The following ADAM2 variants were observed in gnomAD, a reference collection of about 807,000 sequenced individuals.
The protein encoded by ADAM2 is disintegrin and metalloproteinase domain-containing protein 2.
Under a neutral mutation model 99.3 loss-of-function variants are expected in ADAM2, and 101 were observed. The observed-to-expected ratio is 1.02, with a 90% CI of 0.87 to 1.20. The LOEUF (loss-of-function observed/expected upper bound fraction) is 1.20. Ranked by LOEUF, ADAM2 falls within the 50% of genes most tolerant of loss-of-function variation. The probability of loss-of-function intolerance (pLI) is 0.00; values close to 1 mark genes in which losing one functional copy is unlikely to be tolerated. For missense variants in ADAM2, 948 were observed against 878.7 expected, an observed-to-expected ratio of 1.08 and a Z score of -1.00; for synonymous variants, 323 against 287.6, an observed-to-expected ratio of 1.12 and a Z score of -1.25.
intron 16 of ADAM2, among the ~76,000 whole-genome samples, chr8:39,751,727 T>C (rs534303692): frequency 3.3e-4 from 50 of 152,312 alleles, no homozygotes; most frequent in African/African-American, 1.2e-3. Flanking sequence ...TGTTTTGAGA[T>C]AAGAATCATA....
intron 16 of ADAM2, among the ~76,000 whole-genome samples, chr8:39,751,769 T>C (rs931527965): frequency 6.6e-6 from 1 of 152,220 alleles, no homozygotes; most frequent in South Asian, 2.1e-4. Flanking sequence ...CTAGGCGGAA[T>C]AGGTTCCTAC....
intron 4 of ADAM2, 42 bp downstream of exon 4, chr8:39,824,777 A>G: frequency 1.0e-6 from 1 of 1,002,456 alleles, no homozygotes; most frequent in Non-Finnish European, 1.6e-6. Flanking sequence ...GTGATCATAG[A>G]CACTCACATG....
chr8:39,779,212 T>C (rs1803121088), intron 10 of ADAM2, among the ~76,000 whole-genome samples: 2 of 152,278 alleles, frequency 1.3e-5, no homozygotes, highest in South Asian at 2.1e-4. Flanking sequence ...TTCGCAGTTC[T>C]AGAAGTCCAA....
intron 19 of ADAM2, among the ~76,000 whole-genome samples, chr8:39,746,086 C>T (rs1380249547): frequency 3.3e-5 from 5 of 152,020 alleles, no homozygotes; most frequent in Admixed American, 3.3e-4. Context: ...AGTGCAGTGG[C>T]ACAATCTCGG....
intron 2 of ADAM2, among the ~76,000 whole-genome samples, chr8:39,835,450 C>T (rs924316438): frequency 1.3e-5 from 2 of 151,988 alleles, no homozygotes; most frequent in African/African-American, 2.4e-5. Flanking sequence ...TTTGGGAGGC[C>T]GAGGCAGGTG....
At chr8:39,787,540 CTCTA>C (rs1359668445) in intron 9 of ADAM2, among the ~76,000 whole-genome samples, 1 of 121,384 alleles carries the variant, frequency 8.2e-6, no homozygotes, top group South Asian at 2.7e-4. Flanking sequence ...AACTCTCTCT[CTCTA>C]TATATATATA....
intron 15 of ADAM2, 114 bp from the exon 16 acceptor site, chr8:39,756,025 T>G: frequency 3.6e-6 from 2 of 554,796 alleles, no homozygotes; most frequent in Non-Finnish European, 2.9e-6. Context: ...AGCTAATACA[T>G]GCAATTCGTT....
At chr8:39,772,299 T>C (rs1231493989) in intron 11 of ADAM2, among the ~76,000 whole-genome samples, 2 of 151,992 alleles carry the variant, frequency 1.3e-5, no homozygotes, top group Non-Finnish European at 2.9e-5. Flanking sequence ...TGTCTAAATT[T>C]CTCAGTTTTT....
intron 3 of ADAM2, among the ~76,000 whole-genome samples, chr8:39,828,648 T>C (rs1371955856): frequency 6.6e-6 from 1 of 151,846 alleles, no homozygotes; most frequent in Non-Finnish European, 1.5e-5. Flanking sequence ...TATAAAGTCA[T>C]AGTAATTAAA....
At chr8:39,832,285 T>C (rs2048552258) in intron 3 of ADAM2, among the ~76,000 whole-genome samples, 1 of 152,134 alleles carries the variant, frequency 6.6e-6, no homozygotes, top group South Asian at 2.1e-4. Flanking sequence ...TGAAAGTAAA[T>C]ATCGTTATCA....
intron 10 of ADAM2, among the ~76,000 whole-genome samples, chr8:39,781,558 T>C (rs1460959914): frequency 6.6e-6 from 1 of 152,234 alleles, no homozygotes; most frequent in African/African-American, 2.4e-5. Context: ...TGAGTGTAAC[T>C]GTACTTCTTT....
intron 16 of ADAM2, 129 bp from the exon 17 acceptor site, chr8:39,749,873 A>T: frequency 4.9e-6 from 3 of 611,714 alleles, no homozygotes; most frequent in Non-Finnish European, 8.6e-6. Context: ...AACAAGAATT[A>T]GTATACTAAC....
intron 4 of ADAM2, among the ~76,000 whole-genome samples, chr8:39,823,192 G>T (rs1364728588): frequency 2.0e-5 from 3 of 152,156 alleles, no homozygotes; most frequent in Non-Finnish European, 4.4e-5. Context: ...ATGATGAATG[G>T]CTTACACTTG....
Position 39,768,597 on chromosome 8 carries a change from C to A in ADAM2, c.1212+795G>T, listed in dbSNP as rs972373948. ...AATATTCAAAAACCACAAATGTACTCCCTAGGTTTTCTGGCTCCATAGTGA... is the reference window on the plus strand; with the variant it reads ...AATATTCAAAAACCACAAATGTACTACCTAGGTTTTCTGGCTCCATAGTGA... On this transcript the variant is annotated intron_variant, in intron 12 of 20. Coordinates refer to ENST00000265708, the MANE Select transcript of ADAM2 (RefSeq NM_001464.5). 3.3e-5 allele frequency among the ~76,000 whole-genome samples: 5 copies of A among 152,150 alleles called. No homozygotes were observed. The East Asian group carries it at 9.6e-4, about 29-fold the overall frequency.
chr8:39,762,870 C>G (rs1802423692), intron 14 of ADAM2, among the ~76,000 whole-genome samples: 1 of 152,208 alleles, frequency 6.6e-6, no homozygotes, highest in Non-Finnish European at 1.5e-5. Context: ...ATACCTATAT[C>G]TATCTATCTA....
chr8:39,743,799 C>A lies in ADAM2; in HGVS notation c.*296G>T, dbSNP rs1258883714. ...CATTACATTATGATATTTCCTTATA[C>A]CATGCCCCTACTGACAGAATTAGTG... On this transcript the variant is annotated 3_prime_UTR_variant, in exon 21 of 21. Transcript: ENST00000265708. 6.6e-6 allele frequency: 1 copy of A among 151,978 alleles called. No homozygotes were observed. 9.4% of individuals were successfully genotyped at this position (151,978 alleles called of 1,614,324 possible). A position where few individuals can be genotyped will look rare whatever the true frequency, so the allele number is the denominator to read the frequency against.
At position 39,809,403 on chromosome 8, in the gene ADAM2, T is replaced by C; in HGVS notation, c.570+7A>G. On this transcript the variant is annotated splice_region_variant and intron_variant, in intron 7 of 20. Transcript: ENST00000265708. Reference sequence around the variant, plus strand: ...TAAGGGACATAAATAAATCAGAATATACTTACCAATTGTTTTTCAACTATA... The same window carrying C: ...TAAGGGACATAAATAAATCAGAATACACTTACCAATTGTTTTTCAACTATA... The C allele has an allele frequency of 2.7e-6, 3 of 1,119,738 alleles. No homozygotes were observed. The highest frequency in any genetic ancestry group is 2.7e-5 in the South Asian group (2 of 75,328). 69.4% of individuals were successfully genotyped at this position (1,119,738 alleles called of 1,614,324 possible).
In ADAM2 at chr8:39,777,006, T is replaced by C; in HGVS notation, c.1028+19A>G. On this transcript the variant is annotated intron_variant, in intron 11 of 20. Coordinates refer to ENST00000265708, the MANE Select transcript of ADAM2 (RefSeq NM_001464.5). Reference sequence around the variant, plus strand: ...TACATTAAACTATATATGTAAAGTATAAAAGTCAGAAATCTTACATTGCTT... The same window carrying C: ...TACATTAAACTATATATGTAAAGTACAAAAGTCAGAAATCTTACATTGCTT... The C allele has an allele frequency of 6.8e-7, 1 of 1,469,010 alleles. No individual in the cohort carries two copies. The highest frequency in any genetic ancestry group is 9.5e-7 in the Non-Finnish European group (1 of 1,054,862). The allele number at this position is 1,469,010 out of a possible 1,614,324, so 91.0% of individuals were successfully genotyped here. A position where few individuals can be genotyped will look rare whatever the true frequency, so the allele number is the denominator to read the frequency against.
rs548870322 is a variant in ADAM2, at chr8:39,801,737, G to A, written c.570+7673C>T. The stretch of plus-strand genomic sequence containing the variant: ...CTGGAGTTATTGGAGATGCTGCAGG[G>A]AAGCCCCACCCACTGAGGAGGATGT... On this transcript the variant is annotated intron_variant, in intron 7 of 20. Transcript: ENST00000265708. Among the ~76,000 whole-genome samples the A allele has an allele frequency of 4.6e-5, 7 of 152,154 alleles. No homozygotes were observed. In the South Asian group the frequency reaches 1.0e-3, roughly 23 times the overall value.
Sources: allele counts gnomAD v4.1 joint callset (sites outside exome capture counted in the v4.1 genomes callset), GRCh38; gene constraint gnomAD v4.1.1; transcripts MANE v1.5; gene names NCBI Gene and HGNC (gene_info 2026-07-23, HGNC 2026-07-21).